The following WSCD1 variants were observed in gnomAD, a reference collection of about 807,000 sequenced individuals.
WSCD1 encodes WSC domain sialate O sulfotransferase 1, also known as sialate:O-sulfotransferase 1.
WSCD1 carries 41 observed loss-of-function variants against 60.4 expected under a neutral mutation model. The observed-to-expected ratio is 0.68, with a 90% CI of 0.53 to 0.88. The LOEUF (loss-of-function observed/expected upper bound fraction) is 0.88, where lower values mean the gene tolerates loss of function less well. Ranked by LOEUF, WSCD1 falls within the 40% of genes least tolerant of loss-of-function variation. The pLI is 0.00. For synonymous variants in WSCD1, 361 were observed against 332.5 expected (o/e 1.09, Z -0.93); for missense variants, 784 against 796.2 (o/e 0.98, Z 0.18).
chr17:6,113,029 C>T (rs1042441390), intron 7 of WSCD1, among the ~76,000 whole-genome samples: 1 of 152,160 alleles, frequency 6.6e-6, no homozygotes, highest in African/African-American at 2.4e-5. Context: ...AGGTATCACA[C>T]TACTGACTTA....
At chr17:6,089,081 C>G (rs1200435311) in intron 3 of WSCD1, among the ~76,000 whole-genome samples, 1 of 152,206 alleles carries the variant, frequency 6.6e-6, no homozygotes, top group African/African-American at 2.4e-5. Flanking sequence ...CACACCCGGC[C>G]TCACCTTTGT....
In WSCD1 at chr17:6,080,372, T is replaced by G; in HGVS notation, c.-287T>G. On this transcript the variant is annotated splice_region_variant and 5_prime_UTR_variant, in exon 2 of 9. Transcript: ENST00000317744. This position sits in a 1 kb window ranked among gnomAD's most constrained non-coding sequence, Gnocchi z 6.6. ...CGGTGCTCTTTCTCCACCTTCCAGA[T>G]TTCTGCGCCAGGAGATGAGGGGCGG... is the stretch of plus-strand genomic sequence containing the variant. 1 of 457,036 alleles carries G rather than the reference T, an allele frequency of 2.2e-6. No homozygotes were observed. 28.3% of individuals were successfully genotyped at this position (457,036 alleles called of 1,614,324 possible).
rs66998605 is a variant in WSCD1 at position 6,090,210 on chromosome 17, CA to C, written c.543-101del. ...CTTAAAGTATAATTAAAACAAAAAA[CA>C]AAAAAAAAACATACTTTCTAATCTA... On this transcript the variant is annotated intron_variant, in intron 3 of 8. Coordinates refer to ENST00000317744, the MANE Select transcript of WSCD1 (RefSeq NM_015253.2). 3,910 of 1,165,914 alleles carry C rather than the reference CA, an allele frequency of 3.4e-3. 25 individuals are homozygous for C. Among genetic ancestry groups the C allele is most frequent in the Non-Finnish European group, 3.8e-3 (3,294 of 868,342 alleles). The allele number at this position is 1,165,914 out of a possible 1,614,324, so 72.2% of individuals were successfully genotyped here.
intron 1 of WSCD1, among the ~76,000 whole-genome samples, chr17:6,076,950 A>T (rs1908899720): frequency 6.6e-6 from 1 of 152,190 alleles, no homozygotes; most frequent in African/African-American, 2.4e-5. Context: ...GGATCTGGGA[A>T]CATGGAGATA....
chr17:6,111,700 CAAAA>C (rs111930086), intron 7 of WSCD1, among the ~76,000 whole-genome samples: 62 of 41,256 alleles, frequency 1.5e-3, no homozygotes, highest in African/African-American at 4.4e-3. Context: ...CACTCCGTCT[CAAAA>C]AAAAAAAAAA....
At chr17:6,079,076 C>A (rs184995604) in intron 1 of WSCD1, among the ~76,000 whole-genome samples, 1 of 152,218 alleles carries the variant, frequency 6.6e-6, no homozygotes, top group South Asian at 2.1e-4. Context: ...CTGCTCTCCC[C>A]GAGGGCCTCG....
At chr17:6,073,283 C>T (rs943244844) in intron 1 of WSCD1, among the ~76,000 whole-genome samples, 3 of 152,192 alleles carry the variant, frequency 2.0e-5, no homozygotes, top group African/African-American at 7.2e-5. Flanking sequence ...CTTAAGCTTT[C>T]AGCACCAGGT....
chr17:6,091,096 A>G (rs1461560899), intron 4 of WSCD1, among the ~76,000 whole-genome samples: 3 of 151,886 alleles, frequency 2.0e-5, no homozygotes, highest in African/African-American at 7.3e-5. Context: ...GTTTCACCAC[A>G]TTGGCCAGGC....
At chr17:6,116,890 G>A (rs1285954872) in intron 7 of WSCD1, among the ~76,000 whole-genome samples, 1 of 152,160 alleles carries the variant, frequency 6.6e-6, no homozygotes, top group Non-Finnish European at 1.5e-5. Context: ...ATGTCTCAGG[G>A]CTGGGAGCAT....
chr17:6,118,104 C>G lies in WSCD1; in HGVS notation c.1291C>G (p.Pro431Ala). 9 of 1,614,180 alleles carry G rather than the reference C, an allele frequency of 5.6e-6. No homozygotes were observed. Among genetic ancestry groups the G allele is most frequent in the Non-Finnish European group, 7.6e-6 (9 of 1,180,040 alleles). The part of the protein sequence containing the change: ...FDSAILLIRN[P>A]YRSLVAEFNR... ...TTCAGCCATCCTGCTAATCCGGAAC[C>G]CATACAGGTCCCTGGTGGCAGAATT... is the stretch of plus-strand genomic sequence containing the variant. Residue 431 changes from proline to alanine, a missense_variant, in exon 8 of 9, where the codon CCA becomes GCA. Coordinates refer to ENST00000317744, the MANE Select transcript of WSCD1 (RefSeq NM_015253.2). This position sits in a 1 kb window ranked among gnomAD's most constrained non-coding sequence, Gnocchi z 5.8.
intron 1 of WSCD1, among the ~76,000 whole-genome samples, chr17:6,079,434 C>T (rs923181590): frequency 6.6e-6 from 1 of 152,220 alleles, no homozygotes; most frequent in African/African-American, 2.4e-5. Context: ...AGAGGTGCCG[C>T]CAATGAGAAC....
chr17:6,084,490 G>A (rs1292795972), intron 2 of WSCD1, among the ~76,000 whole-genome samples: 2 of 152,118 alleles, frequency 1.3e-5, no homozygotes, highest in African/African-American at 2.4e-5. Flanking sequence ...CGGGCAGCCC[G>A]CCATCCTCCT....
rs1468865103 is a variant in WSCD1 at position 6,110,820 on chromosome 17, T to C, written c.1059T>C (p.Phe353=). ...TCCTGCCTAACAAATCCAAAGTGTT[T>C]GTGGCTTTGTCAAGCTTCCCAGGAG... is the stretch of plus-strand genomic sequence containing the variant. ...RRFLPNKSKV[F]VALSSFPGAG... The change falls in exon 7 of 9, where the codon TTT becomes TTC. Residue 353 remains phenylalanine (F), a synonymous_variant. Coordinates refer to ENST00000317744, the MANE Select transcript of WSCD1 (RefSeq NM_015253.2). The surrounding 1 kb of genome is among the most constrained non-coding windows in gnomAD (Gnocchi z 4.8). 2 of 1,614,100 alleles carry C rather than the reference T, an allele frequency of 1.2e-6. No individual in the cohort carries two copies. The highest frequency in any genetic ancestry group is 1.7e-6 in the Non-Finnish European group (2 of 1,179,954).
At chr17:6,100,482 C>T (rs780377516) in intron 5 of WSCD1, among the ~76,000 whole-genome samples, 5 of 152,214 alleles carry the variant, frequency 3.3e-5, no homozygotes, top group African/African-American at 4.8e-5. Flanking sequence ...CATCCATTCT[C>T]GCTTGTCTCG....
chr17:6,091,793 C>G (rs1910059555), intron 4 of WSCD1, among the ~76,000 whole-genome samples: 1 of 152,168 alleles, frequency 6.6e-6, no homozygotes, highest in African/African-American at 2.4e-5. Flanking sequence ...CGCCTCTGGT[C>G]ATGCCCTAGT....
At chr17:6,083,044 T>TGAGGAG (rs1228452858) in intron 2 of WSCD1, among the ~76,000 whole-genome samples, 1 of 152,104 alleles carries the variant, frequency 6.6e-6, no homozygotes, top group African/African-American at 2.4e-5. Flanking sequence ...GAGGGAGGAA[T>TGAGGAG]GAGGAGCTGA....
At position 6,080,926 on chromosome 17, in the gene WSCD1, A is replaced by C; in HGVS notation, c.268A>C (p.Ser90Arg). The change falls in exon 2 of 9, where the codon AGC (serine) becomes CGC (arginine). Residue 90 changes from serine to arginine, a missense_variant. Transcript: ENST00000317744. The surrounding 1 kb of genome is among the most constrained non-coding windows in gnomAD (Gnocchi z 6.6). ...ELLLGVDMLQSPLTRPRPGPR... is the reference protein window; with the variant it reads ...ELLLGVDMLQRPLTRPRPGPR... ...GCTGCTGGGTGTGGACATGCTGCAG[A>C]GCCCCCTGACCCGGCCCCGGCCCGG... 1 of 1,589,264 alleles carries C rather than the reference A, an allele frequency of 6.3e-7. No homozygotes were observed.
chr17:6,070,693 G>C (rs2150522253), intron 1 of WSCD1, 41 bp downstream of exon 1: 1 of 151,214 alleles, frequency 6.6e-6, no homozygotes, highest in Middle Eastern at 3.4e-3. Flanking sequence ...ACCCCCGCGC[G>C]GGCTGCGAGC....
intron 2 of WSCD1, among the ~76,000 whole-genome samples, chr17:6,083,525 G>A (rs1234434599): frequency 1.3e-5 from 2 of 152,214 alleles, no homozygotes; most frequent in Admixed American, 1.3e-4. Flanking sequence ...GATTACAGGC[G>A]TGAGCCACCA....
Sources: gnomAD v4.1 joint callset for allele counts (sites outside exome capture counted in the v4.1 genomes callset) on GRCh38, gnomAD v4.1.1 for gene constraint, Gnocchi (gnomAD v3.1) non-coding constraint, MANE v1.5 for transcripts, NCBI Gene and HGNC (gene_info 2026-07-23, HGNC 2026-07-21) for gene names.